PCDHA12: variants seen among roughly 807,000 people sequenced by gnomAD.
The protein encoded by PCDHA12 is protocadherin alpha 12.
Under a neutral mutation model 60.0 loss-of-function variants are expected in PCDHA12, and 44 were observed. The observed-to-expected ratio is 0.73, with a 90% confidence interval of 0.58 to 0.94. The LOEUF is 0.94. PCDHA12 is among the 40% of genes least tolerant of loss of function. The probability of loss-of-function intolerance (pLI) is 0.00; values close to 1 mark genes in which losing one functional copy is unlikely to be tolerated. For missense variants in PCDHA12, 1,276 were observed against 1,239.7 expected, an observed-to-expected ratio of 1.03 and a Z score of -0.44; for synonymous variants, 569 against 553.0, an observed-to-expected ratio of 1.03 and a Z score of -0.40.
At chr5:140,979,690 A>G (rs2096860224) in intron 2 of PCDHA12, among the ~76,000 whole-genome samples, 1 of 152,252 alleles carries the variant, frequency 6.6e-6, no homozygotes, top group Non-Finnish European at 1.5e-5. Context: ...ATTAACTACC[A>G]TTATTTCTGG....
At chr5:140,952,847 T>C (rs1199940738) in intron 1 of PCDHA12, among the ~76,000 whole-genome samples, 1 of 152,160 alleles carries the variant, frequency 6.6e-6, no homozygotes, top group Middle Eastern at 3.2e-3. Flanking sequence ...TCTGCTTGTC[T>C]TCTGGGGAGG....
intron 1 of PCDHA12, among the ~76,000 whole-genome samples, chr5:140,939,041 T>G (rs2092303651): frequency 6.6e-6 from 1 of 152,222 alleles, no homozygotes; most frequent in Admixed American, 6.5e-5. Context: ...AAGAGTTGTC[T>G]TAGTCCATTT....
At chr5:140,941,299 TC>T (rs1554214293) in intron 1 of PCDHA12, among the ~76,000 whole-genome samples, 2 of 144,342 alleles carry the variant, frequency 1.4e-5, no homozygotes, top group African/African-American at 2.5e-5. Context: ...TTTCTTTCTT[TC>T]TTTCTTTTTC....
chr5:140,997,668 TTG>T (rs35184029), intron 3 of PCDHA12, among the ~76,000 whole-genome samples: 38,693 of 147,760 alleles, frequency 0.26, 5,114 homozygotes, highest in Middle Eastern at 0.39. Flanking sequence ...ATTATACAGC[TTG>T]TGTGTGTGTG....
chr5:140,941,190 TTTTTCTTTCTTC>T (rs1475511565), intron 1 of PCDHA12, among the ~76,000 whole-genome samples: 3 of 129,438 alleles, frequency 2.3e-5, no homozygotes, highest in South Asian at 2.5e-4. Context: ...TGCTTCTTTT[TTTTTCTTTCTTC>T]CTTTCTTTCT....
intron 1 of PCDHA12, among the ~76,000 whole-genome samples, chr5:140,930,807 A>G (rs2087132034): frequency 6.6e-6 from 1 of 152,206 alleles, no homozygotes; most frequent in Non-Finnish European, 1.5e-5. Flanking sequence ...AGCATATAAG[A>G]TATGCTTAGT....
chr5:140,966,490 T>C lies in PCDHA12; in HGVS notation c.2368-12459T>C, dbSNP rs533525977. 6.2e-5 allele frequency: 27 copies of C among 438,082 alleles called. No individual in the cohort carries two copies. In the Admixed American group the frequency reaches 1.1e-3, roughly 18 times the overall value. The allele number at this position is 438,082 out of a possible 1,614,324, so 27.1% of individuals were successfully genotyped here. On this transcript the variant is annotated intron_variant, in intron 1 of 3. Coordinates refer to ENST00000398631, the MANE Select transcript of PCDHA12 (RefSeq NM_018903.4). ...CCTTCTGTTTCCTTTTCCCTCCCCC[T>C]GGAGCTGTAGCGGCAGCAGCAGCAG... is the stretch of plus-strand genomic sequence containing the variant.
At chr5:140,891,409 C>T (rs1295005747) in intron 1 of PCDHA12, among the ~76,000 whole-genome samples, 1 of 148,202 alleles carries the variant, frequency 6.7e-6, no homozygotes, top group Non-Finnish European at 1.5e-5. Context: ...CGCCACCCCC[C>T]ACTCTTGCCC....
At chr5:140,935,665 T>C (rs2090490152) in intron 1 of PCDHA12, among the ~76,000 whole-genome samples, 1 of 152,182 alleles carries the variant, frequency 6.6e-6, no homozygotes, top group Non-Finnish European at 1.5e-5. Context: ...TCTTTTATAA[T>C]TATGTGAAAT....
At chr5:140,895,137 G>A (rs1184479322) in intron 1 of PCDHA12, among the ~76,000 whole-genome samples, 2 of 152,072 alleles carry the variant, frequency 1.3e-5, no homozygotes, top group Non-Finnish European at 2.9e-5. Context: ...CAAGTTCATA[G>A]GGCTAAGACA....
intron 1 of PCDHA12, among the ~76,000 whole-genome samples, chr5:140,878,943 T>C (rs968532854): frequency 6.6e-6 from 1 of 152,220 alleles, no homozygotes; most frequent in Non-Finnish European, 1.5e-5. Context: ...AATAAATATA[T>C]GGTATTGAAA....
chr5:140,982,475 C>T lies in PCDHA12; in HGVS notation c.2427C>T (p.Ser809=). The change falls in exon 3 of 4, where the codon AGC becomes AGT. Residue 809 remains serine, a splice_region_variant and synonymous_variant. Coordinates refer to ENST00000398631, the MANE Select transcript of PCDHA12 (RefSeq NM_018903.4). ...TATCTGGGTCTGTGTGTTTATTCAG[C>T]TCTGTGCACCTAGAGGAGGCTGGCA... The part of the protein sequence containing the change: ...YSASLRAGMH[S]SVHLEEAGIL... 1 of 1,614,154 alleles carries T rather than the reference C, an allele frequency of 6.2e-7. No homozygotes were observed. Among genetic ancestry groups the T allele is most frequent in the African/African-American group, 1.3e-5 (1 of 75,040 alleles).
chr5:140,933,494 T>C (rs901456699), intron 1 of PCDHA12, among the ~76,000 whole-genome samples: 3 of 152,110 alleles, frequency 2.0e-5, no homozygotes, highest in Non-Finnish European at 4.4e-5. Context: ...TTCTTTAGAA[T>C]TGTTAAGCAA....
In PCDHA12 at chr5:140,876,395, T is replaced by G; in HGVS notation, c.923T>G (p.Leu308Arg). 1 of 1,613,920 alleles carries G rather than the reference T, an allele frequency of 6.2e-7. No homozygotes were observed. Among genetic ancestry groups the G allele is most frequent in the Non-Finnish European group, 8.5e-7 (1 of 1,179,894 alleles). ...DTGEIRIYGELDFEENNAYEI... is the reference protein window; with the variant it reads ...DTGEIRIYGERDFEENNAYEI... Reference sequence around the variant, plus strand: ...GGTGAAATTAGAATTTATGGTGAACTGGATTTTGAAGAGAATAATGCCTAT... The same window carrying G: ...GGTGAAATTAGAATTTATGGTGAACGGGATTTTGAAGAGAATAATGCCTAT... Residue 308 changes from leucine (L) to arginine (R), a missense_variant, in exon 1 of 4, where the codon CTG (leucine) becomes CGG (arginine). Physicochemically the swap from Leu to Arg is moderately radical, Grantham distance 102 (BLOSUM62 -2). Transcript: ENST00000398631.
chr5:140,945,807 C>G (rs1408404648), intron 1 of PCDHA12, among the ~76,000 whole-genome samples: 1 of 152,120 alleles, frequency 6.6e-6, no homozygotes, highest in African/African-American at 2.4e-5. Context: ...AGACCCTTAT[C>G]TCACACTGTA....
chr5:140,904,877 AC>A (rs2071441380), intron 1 of PCDHA12, among the ~76,000 whole-genome samples: 1 of 151,792 alleles, frequency 6.6e-6, no homozygotes, highest in African/African-American at 2.4e-5. Context: ...TCCTTAGCTC[AC>A]TTTTTGATGG....
chr5:140,883,475 AACT>A, intron 1 of PCDHA12: 1 of 1,614,106 alleles, frequency 6.2e-7, no homozygotes. Context: ...CACCTACAAG[AACT>A]ACTACTCATT....
At chr5:140,968,062 G>A in intron 1 of PCDHA12, 2 of 1,614,120 alleles carry the variant, frequency 1.2e-6, no homozygotes, top group Non-Finnish European at 1.7e-6. Flanking sequence ...GAGAGCGGGT[G>A]GCTGTCTACA....
chr5:140,906,271 T>A (rs2072508162), intron 1 of PCDHA12, among the ~76,000 whole-genome samples: 1 of 152,180 alleles, frequency 6.6e-6, no homozygotes, highest in African/African-American at 2.4e-5. Flanking sequence ...AAATTATAGA[T>A]AATCTTCAAA....
Sources: allele counts gnomAD v4.1 joint callset (sites outside exome capture counted in the v4.1 genomes callset), GRCh38; gene constraint gnomAD v4.1.1; transcripts MANE v1.5; gene names NCBI Gene and HGNC (gene_info 2026-07-23, HGNC 2026-07-21).